The following AGPAT3 variants were observed in gnomAD, a reference collection of about 807,000 sequenced individuals.
The protein encoded by AGPAT3 is 1-acyl-sn-glycerol-3-phosphate acyltransferase gamma.
A neutral mutation model predicts 47.3 loss-of-function variants in AGPAT3; 5 were observed. The observed-to-expected ratio is 0.11, with a 90% CI of 0.06 to 0.22. The LOEUF is 0.22. Ranked by LOEUF, AGPAT3 falls within the 10% of genes least tolerant of loss-of-function variation. The probability of loss-of-function intolerance (pLI) is 1.00; values close to 1 mark genes in which losing one functional copy is unlikely to be tolerated. For synonymous variants in AGPAT3, 212 were observed against 208.3 expected, an observed-to-expected ratio of 1.02 and a Z score of -0.15; for missense variants, 315 against 493.0, an observed-to-expected ratio of 0.64 and a Z score of 3.42.
At chr21:43,971,363 T>C in intron 6 of AGPAT3, 25 bp from the exon 7 acceptor site, 1 of 1,608,952 alleles carries the variant, frequency 6.2e-7, no homozygotes, top group East Asian at 2.2e-5. Flanking sequence ...GGCTGGGTCA[T>C]TCACCCTCCC....
At chr21:43,942,652 G>A (rs1357093072) in intron 2 of AGPAT3, among the ~76,000 whole-genome samples, 1 of 152,218 alleles carries the variant, frequency 6.6e-6, no homozygotes, top group Admixed American at 6.5e-5. Flanking sequence ...GGGCAGCAGG[G>A]GCTCCGAATG....
intron 2 of AGPAT3, among the ~76,000 whole-genome samples, chr21:43,958,167 T>G (rs919844800): frequency 4.6e-5 from 7 of 152,250 alleles, no homozygotes; most frequent in Non-Finnish European, 8.8e-5. Flanking sequence ...CACAAGTTAA[T>G]CACTATCAAT....
intron 7 of AGPAT3, among the ~76,000 whole-genome samples, chr21:43,973,454 G>A (rs1195329025): frequency 6.6e-6 from 1 of 152,204 alleles, no homozygotes; most frequent in African/African-American, 2.4e-5. Flanking sequence ...GTTAGTGGTG[G>A]CTTGAGGCTG....
chr21:43,958,249 T>A (rs1399789720), intron 2 of AGPAT3, among the ~76,000 whole-genome samples: 1 of 152,054 alleles, frequency 6.6e-6, no homozygotes. Flanking sequence ...TGTGTGTGAG[T>A]GTGGCATGTT....
chr21:43,878,992 C>T (rs529108746), intron 1 of AGPAT3, among the ~76,000 whole-genome samples: 10 of 152,232 alleles, frequency 6.6e-5, no homozygotes, highest in East Asian at 3.9e-4. Context: ...CTGCCCACCT[C>T]GGGTCCTAAA....
intron 2 of AGPAT3, among the ~76,000 whole-genome samples, chr21:43,911,647 C>G (rs2086635669): frequency 1.3e-5 from 2 of 152,246 alleles, no homozygotes; most frequent in Non-Finnish European, 2.9e-5. Flanking sequence ...GGGCTGCAGA[C>G]TCCTTTTCCA....
chr21:43,872,424 A>T (rs993577807), intron 1 of AGPAT3, among the ~76,000 whole-genome samples: 1 of 151,800 alleles, frequency 6.6e-6, no homozygotes, highest in Non-Finnish European at 1.5e-5. Flanking sequence ...CAAGTGATCC[A>T]CCCACCTCGG....
At chr21:43,878,666 T>C (rs2085785361) in intron 1 of AGPAT3, among the ~76,000 whole-genome samples, 1 of 152,220 alleles carries the variant, frequency 6.6e-6, no homozygotes, top group African/African-American at 2.4e-5. Flanking sequence ...CGTCTGTTTC[T>C]ACTCACACCA....
At chr21:43,980,508 C>A (rs928329424) in intron 8 of AGPAT3, among the ~76,000 whole-genome samples, 6 of 152,228 alleles carry the variant, frequency 3.9e-5, no homozygotes, top group African/African-American at 1.4e-4. Flanking sequence ...TCCTCATTAG[C>A]CTCCTTTGCC....
intron 2 of AGPAT3, among the ~76,000 whole-genome samples, chr21:43,947,459 C>A (rs545744142): frequency 1.3e-5 from 2 of 152,304 alleles, no homozygotes; most frequent in South Asian, 4.1e-4. Context: ...GTGACGCCCC[C>A]GGCATCTCCA....
chr21:43,901,337 AAAGAG>A (rs1257581466), intron 1 of AGPAT3, among the ~76,000 whole-genome samples: 6 of 150,028 alleles, frequency 4.0e-5, no homozygotes, highest in Non-Finnish European at 8.9e-5. Context: ...AAAAAAAAAA[AAAGAG>A]AAGAGAAAAG....
At chr21:43,874,331 A>G (rs1275846698) in intron 1 of AGPAT3, among the ~76,000 whole-genome samples, 6 of 152,352 alleles carry the variant, frequency 3.9e-5, no homozygotes, top group African/African-American at 1.2e-4. Context: ...CGGTCCTGTC[A>G]TAAGCATTTA....
chr21:43,892,943 A>C (rs2086131692), intron 1 of AGPAT3, among the ~76,000 whole-genome samples: 1 of 152,066 alleles, frequency 6.6e-6, no homozygotes, highest in Non-Finnish European at 1.5e-5. Flanking sequence ...ACCCCCACCA[A>C]AATTAGCCAG....
chr21:43,926,996 A>G (rs981311597), intron 2 of AGPAT3, among the ~76,000 whole-genome samples: 42 of 150,928 alleles, frequency 2.8e-4, no homozygotes, highest in Non-Finnish European at 5.9e-4. Context: ...AAAAAAAAAA[A>G]AAAAAGAGAC....
chr21:43,931,886 T>A (rs1230969659), intron 2 of AGPAT3, among the ~76,000 whole-genome samples: 2 of 151,904 alleles, frequency 1.3e-5, no homozygotes, highest in Non-Finnish European at 2.9e-5. Context: ...AGGTTGAGGT[T>A]TTGTTTCCGT....
rs1432982524 is a variant in AGPAT3, at chr21:43,880,869, C to T, written c.-112+15524C>T. ...GTTTGACATGGTGGTGAATTGGACA[C>T]GTGACAGGTGGCAATATGTTAACTG... On this transcript the variant is annotated intron_variant, in intron 1 of 9. Transcript: ENST00000291572. The surrounding 1 kb of genome is among the most constrained non-coding windows in gnomAD (Gnocchi z 4.5). Among the ~76,000 whole-genome samples the T allele has an allele frequency of 6.6e-6, 1 of 152,032 alleles. No homozygotes were observed. Among genetic ancestry groups the T allele is most frequent in the Non-Finnish European group, 1.5e-5 (1 of 68,010 alleles).
rs568226084 is a variant in AGPAT3, at chr21:43,930,884, G to A, written c.-49+26865G>A. ...TGCTGCCCTGTCCCCTCGGGCGGGC[G>A]CCACTTCCTTCCTGCATGTTCCTGT... On this transcript the variant is annotated intron_variant, in intron 2 of 9. Transcript: ENST00000291572. This position sits in a 1 kb window ranked among gnomAD's most constrained non-coding sequence, Gnocchi z 5.0. 1.1e-4 allele frequency among the ~76,000 whole-genome samples: 17 copies of A among 152,272 alleles called. No homozygotes were observed. Among genetic ancestry groups the A allele is most frequent in the African/African-American group, 2.9e-4 (12 of 41,546 alleles).
rs2087273355 is a variant in AGPAT3 at position 43,932,219 on chromosome 21, C to T, written c.-48-27415C>T. Reference sequence around the variant, plus strand: ...CCGATCACGAACACGTCCCTCCAGTCTAACTGAAACTGCTCCCTTTGATCA... The same window carrying T: ...CCGATCACGAACACGTCCCTCCAGTTTAACTGAAACTGCTCCCTTTGATCA... On this transcript the variant is annotated intron_variant, in intron 2 of 9. Transcript: ENST00000291572. This position sits in a 1 kb window ranked among gnomAD's most constrained non-coding sequence, Gnocchi z 5.2. Among the ~76,000 whole-genome samples the T allele has an allele frequency of 6.6e-6, 1 of 152,198 alleles. No individual in the cohort carries two copies. Among genetic ancestry groups the T allele is most frequent in the Admixed American group, 6.5e-5 (1 of 15,284 alleles).
At chr21:43,895,290 T>C (rs1297149206) in intron 1 of AGPAT3, among the ~76,000 whole-genome samples, 1 of 151,714 alleles carries the variant, frequency 6.6e-6, no homozygotes, top group Non-Finnish European at 1.5e-5. Context: ...TATTTTTTTA[T>C]TAGAGACAGT....
Sources: gnomAD v4.1 joint callset for allele counts (sites outside exome capture counted in the v4.1 genomes callset) on GRCh38, gnomAD v4.1.1 for gene constraint, Gnocchi (gnomAD v3.1) non-coding constraint, MANE v1.5 for transcripts, NCBI Gene and HGNC (gene_info 2026-07-23, HGNC 2026-07-21) for gene names.